TBC1D23: variants seen among roughly 807,000 people sequenced by gnomAD.
The protein encoded by TBC1D23 is TBC1 domain family member 23.
TBC1D23 carries 55 observed loss-of-function variants against 91.4 expected under a neutral mutation model. The observed-to-expected ratio is 0.60, with a 90% CI of 0.48 to 0.75. The LOEUF is 0.75. TBC1D23 is among the 30% of genes least tolerant of loss of function. The pLI is 0.00. For synonymous variants in TBC1D23, 289 were observed against 281.0 expected (o/e 1.03, Z -0.28); for missense variants, 725 against 836.1 (o/e 0.87, Z 1.64).
At chr3:100,263,394 GGC>G (rs2067530640) in intron 1 of TBC1D23, among the ~76,000 whole-genome samples, 1 of 152,206 alleles carries the variant, frequency 6.6e-6, no homozygotes, top group Non-Finnish European at 1.5e-5. Context: ...AGGCCATCTG[GGC>G]GTATACGTGC....
intron 1 of TBC1D23, among the ~76,000 whole-genome samples, chr3:100,269,220 C>T (rs888929988): frequency 1.3e-5 from 2 of 152,182 alleles, no homozygotes; most frequent in African/African-American, 4.8e-5. Flanking sequence ...CTAGATTTAG[C>T]ACCGTCTTTA....
chr3:100,298,938 TTA>T (rs1354818600), intron 9 of TBC1D23, among the ~76,000 whole-genome samples: 6 of 152,200 alleles, frequency 3.9e-5, no homozygotes, highest in African/African-American at 1.4e-4. Context: ...CGTTTTATAA[TTA>T]GTTTTATAAT....
At chr3:100,321,154 C>T (rs988870109) in intron 18 of TBC1D23, among the ~76,000 whole-genome samples, 183 bp downstream of exon 18, 1 of 152,150 alleles carries the variant, frequency 6.6e-6, no homozygotes, top group Admixed American at 6.5e-5. Context: ...TAGCCATTAG[C>T]ACATGATTTG....
intron 3 of TBC1D23, among the ~76,000 whole-genome samples, chr3:100,282,678 G>A (rs758674875): frequency 7.9e-5 from 12 of 152,006 alleles, no homozygotes; most frequent in Admixed American, 5.2e-4. Context: ...AGCTTGATAG[G>A]CCTATGTGTG....
At chr3:100,261,960 T>C (rs2067514749) in intron 1 of TBC1D23, among the ~76,000 whole-genome samples, 1 of 152,218 alleles carries the variant, frequency 6.6e-6, no homozygotes, top group African/African-American at 2.4e-5. Flanking sequence ...GTTCGTTATA[T>C]TGTATGTGTA....
intron 4 of TBC1D23, among the ~76,000 whole-genome samples, chr3:100,290,377 T>C (rs1228052092): frequency 6.6e-6 from 1 of 152,172 alleles, no homozygotes; most frequent in Non-Finnish European, 1.5e-5. Flanking sequence ...AGAATGTCCC[T>C]AGAGTGGCTT....
chr3:100,295,062 C>G, intron 5 of TBC1D23, 25 bp from the exon 6 acceptor site: 1 of 1,551,314 alleles, frequency 6.4e-7, no homozygotes. Flanking sequence ...TGGTTTATGT[C>G]TCTCATTTCA....
intron 2 of TBC1D23, 29 bp from the exon 3 acceptor site, chr3:100,281,713 G>T: frequency 7.2e-7 from 1 of 1,393,392 alleles, no homozygotes; most frequent in Non-Finnish European, 1.0e-6. Context: ...AACATATGAA[G>T]CTAGTCACTT....
At chr3:100,309,436 C>T (rs1705578072) in intron 13 of TBC1D23, among the ~76,000 whole-genome samples, 1 of 151,938 alleles carries the variant, frequency 6.6e-6, no homozygotes, top group Non-Finnish European at 1.5e-5. Context: ...ATTTCAGGCT[C>T]CACACTCACA....
chr3:100,322,374 T>A (rs921930040), intron 18 of TBC1D23, among the ~76,000 whole-genome samples: 5 of 152,158 alleles, frequency 3.3e-5, no homozygotes, highest in Non-Finnish European at 7.4e-5. Context: ...ATTACAGGAG[T>A]GAGCCACCGT....
At chr3:100,293,096 T>C (rs925822762) in intron 5 of TBC1D23, among the ~76,000 whole-genome samples, 4 of 142,142 alleles carry the variant, frequency 2.8e-5, no homozygotes, top group Non-Finnish European at 6.1e-5. Flanking sequence ...TCAGCTGATA[T>C]GCCAGATAGT....
chr3:100,312,944 G>T (rs906708945), intron 15 of TBC1D23, among the ~76,000 whole-genome samples: 6 of 151,918 alleles, frequency 3.9e-5, no homozygotes, highest in Non-Finnish European at 8.8e-5. Flanking sequence ...ACGAGGTCAG[G>T]AGGTTGAGAC....
At chr3:100,316,892 G>C (rs1705758255) in intron 16 of TBC1D23, among the ~76,000 whole-genome samples, 1 of 152,074 alleles carries the variant, frequency 6.6e-6, no homozygotes, top group Non-Finnish European at 1.5e-5. Flanking sequence ...AGGAGTTCAA[G>C]ACCAACATGA....
intron 16 of TBC1D23, among the ~76,000 whole-genome samples, chr3:100,316,402 A>T (rs932336000): frequency 6.6e-6 from 1 of 152,136 alleles, no homozygotes; most frequent in African/African-American, 2.4e-5. Context: ...ACATGTATAC[A>T]TATGTAACAA....
chr3:100,293,331 C>T (rs143159301), intron 5 of TBC1D23, among the ~76,000 whole-genome samples: 4,856 of 152,124 alleles, frequency 0.032, 233 homozygotes, highest in African/African-American at 0.11. Context: ...GATGGGATTT[C>T]ACCATGTTAG....
At chr3:100,294,226 A>T (rs971806278) in intron 5 of TBC1D23, among the ~76,000 whole-genome samples, 3 of 151,758 alleles carry the variant, frequency 2.0e-5, no homozygotes, top group Non-Finnish European at 2.9e-5. Flanking sequence ...CCTGAAATTT[A>T]TTGAAGGATA....
At chr3:100,294,171 C>T (rs986162855) in intron 5 of TBC1D23, among the ~76,000 whole-genome samples, 18 of 152,058 alleles carry the variant, frequency 1.2e-4, no homozygotes, top group Non-Finnish European at 2.4e-4. Context: ...CAACTTAAAA[C>T]ACAGTTGGGC....
At chr3:100,270,782 A>G (rs2067593568) in intron 1 of TBC1D23, among the ~76,000 whole-genome samples, 1 of 152,148 alleles carries the variant, frequency 6.6e-6, no homozygotes, top group African/African-American at 2.4e-5. Context: ...TTGATTTCCC[A>G]GTAGTGTAGC....
chr3:100,288,049 C>T (rs527863543), intron 4 of TBC1D23, among the ~76,000 whole-genome samples: 3 of 151,672 alleles, frequency 2.0e-5, no homozygotes, highest in Non-Finnish European at 2.9e-5. Flanking sequence ...TGAGACCAGC[C>T]GAGGCAACAT....
Sources: allele counts gnomAD v4.1 joint callset (sites outside exome capture counted in the v4.1 genomes callset), GRCh38; gene constraint gnomAD v4.1.1; transcripts MANE v1.5; gene names NCBI Gene and HGNC (gene_info 2026-07-23, HGNC 2026-07-21).